FBXL13: variants seen among roughly 807,000 people sequenced by gnomAD.
FBXL13 encodes F-box and leucine-rich repeat protein 13.
Under a neutral mutation model 83.6 loss-of-function variants are expected in FBXL13, and 67 were observed. That is an observed-to-expected ratio of 0.80 (90% CI 0.66 to 0.98). The LOEUF (loss-of-function observed/expected upper bound fraction) is 0.98. FBXL13 is among the 50% of genes least tolerant of loss of function. The pLI, the probability that FBXL13 is intolerant of heterozygous loss-of-function variation, is 0.00. For missense variants in FBXL13, 822 were observed against 866.5 expected, an observed-to-expected ratio of 0.95 and a Z score of 0.64; for synonymous variants, 272 against 299.5, an observed-to-expected ratio of 0.91 and a Z score of 0.95.
At chr7:102,910,431 A>G (rs2129468402) in intron 11 of FBXL13, among the ~76,000 whole-genome samples, 1 of 149,722 alleles carries the variant, frequency 6.7e-6, no homozygotes, top group South Asian at 2.1e-4. Flanking sequence ...CTTTATTCAC[A>G]TGGAGTGCTG....
intron 8 of FBXL13, among the ~76,000 whole-genome samples, chr7:102,942,732 T>C (rs1195833982): frequency 1.3e-5 from 2 of 152,114 alleles, no homozygotes; most frequent in African/African-American, 4.8e-5. Flanking sequence ...TAGAAAGTTA[T>C]TTTTTTAAGG....
At chr7:102,865,396 T>C (rs1215258060) in intron 16 of FBXL13, among the ~76,000 whole-genome samples, 1 of 152,268 alleles carries the variant, frequency 6.6e-6, no homozygotes, top group African/African-American at 2.4e-5. Flanking sequence ...AATACTGTCA[T>C]GTACAATGTT....
exon 14 of FBXL13, chr7:102,883,430 T>C (rs1225028442): frequency 1.2e-6 from 2 of 1,613,214 alleles, no homozygotes; most frequent in East Asian, 4.5e-5. Flanking sequence ...AATTCTTGTC[T>C]ATAAATTTGA....
intron 8 of FBXL13, among the ~76,000 whole-genome samples, chr7:102,952,984 AAAAC>A (rs113046740): frequency 7.2e-5 from 11 of 152,184 alleles, no homozygotes; most frequent in African/African-American, 9.6e-5. Context: ...ACTCCATCTC[AAAAC>A]AAACAAACAA....
At chr7:102,854,957 C>A in intron 16 of FBXL13, 97 bp from the exon 18 acceptor site, 2 of 636,686 alleles carry the variant, frequency 3.1e-6, no homozygotes, top group Non-Finnish European at 5.0e-6. Context: ...ACATAAAAAA[C>A]CATTTATGAA....
At chr7:103,010,477 C>G (rs1791483323) in intron 6 of FBXL13, among the ~76,000 whole-genome samples, 1 of 152,038 alleles carries the variant, frequency 6.6e-6, no homozygotes. Flanking sequence ...GCAACTCCAC[C>G]CACCCTTGCC....
chr7:102,819,849 A>G (rs1326466167), intron 19 of FBXL13, among the ~76,000 whole-genome samples: 2 of 152,160 alleles, frequency 1.3e-5, no homozygotes, highest in Non-Finnish European at 2.9e-5. Context: ...GTCTACATAC[A>G]CTGTGCATTT....
intron 17 of FBXL13, among the ~76,000 whole-genome samples, chr7:102,850,020 A>G (rs1562992026): frequency 1.3e-5 from 2 of 152,000 alleles, no homozygotes; most frequent in Admixed American, 1.3e-4. Flanking sequence ...TAGAAAAAAA[A>G]AAGAAAAATT....
intron 11 of FBXL13, among the ~76,000 whole-genome samples, chr7:102,898,311 A>C (rs896132099): frequency 9.2e-5 from 14 of 152,318 alleles, no homozygotes; most frequent in African/African-American, 2.9e-4. Context: ...AGCAACGTAC[A>C]TGAATGTTCA....
intron 18 of FBXL13, 50 bp downstream of exon 19, chr7:102,832,790 C>A: frequency 6.2e-7 from 1 of 1,610,020 alleles, no homozygotes; most frequent in South Asian, 1.1e-5. Flanking sequence ...TGCCTTGTCC[C>A]TTGGCAGTGC....
chr7:102,943,536 C>A (rs1354915684), intron 8 of FBXL13, among the ~76,000 whole-genome samples: 1 of 152,048 alleles, frequency 6.6e-6, no homozygotes, highest in African/African-American at 2.4e-5. Flanking sequence ...AAGGTAGTAA[C>A]GAAAGAAACA....
intron 8 of FBXL13, among the ~76,000 whole-genome samples, chr7:102,950,110 A>G (rs544234392): frequency 6.6e-6 from 1 of 152,330 alleles, no homozygotes; most frequent in South Asian, 2.1e-4. Flanking sequence ...GTCTCAAAAA[A>G]AAACAAAAAC....
chr7:102,967,114 C>T lies in FBXL13; in HGVS notation c.591+908G>A, dbSNP rs1409597579. 3.9e-5 allele frequency among the ~76,000 whole-genome samples: 6 copies of T among 151,948 alleles called. No homozygotes were observed. The South Asian group carries it at 6.2e-4, about 16-fold the overall frequency. On this transcript the variant is annotated intron_variant, in intron 7 of 19. Transcript: ENST00000313221. ...CCTCCCGAGTAGCTGGGACTACAGG[C>T]GCACGCTACCATGCCCAGCTAACTT...
At chr7:102,923,683 G>T (rs1470977017) in intron 10 of FBXL13, among the ~76,000 whole-genome samples, 2 of 151,956 alleles carry the variant, frequency 1.3e-5, no homozygotes, top group South Asian at 4.1e-4. Flanking sequence ...ACTTAGCCAG[G>T]CGTGGTGGCG....
chr7:103,002,067 T>A (rs768397950), intron 6 of FBXL13, among the ~76,000 whole-genome samples: 5 of 152,128 alleles, frequency 3.3e-5, no homozygotes, highest in African/African-American at 9.7e-5. Flanking sequence ...TTGAAACTCC[T>A]CTCCTTTCTT....
rs1159174454 is a variant in FBXL13 at position 103,061,175 on chromosome 7, GT to G, written c.-104-5429del. 9.2e-4 allele frequency among the ~76,000 whole-genome samples: 133 copies of G among 144,596 alleles called. 1 individual carries two copies. Among genetic ancestry groups the G allele is most frequent in the South Asian group, 7.3e-3 (33 of 4,510 alleles). 94.9% of individuals were successfully genotyped at this position (144,596 alleles called of 152,430 possible). A position where few individuals can be genotyped will look rare whatever the true frequency, so the allele number is the denominator to read the frequency against. On this transcript the variant is annotated intron_variant, in intron 1 of 19. Coordinates refer to ENST00000313221, the Ensembl canonical transcript of FBXL13. The stretch of plus-strand genomic sequence containing the variant: ...TGCCCCTCAGGACCAGACTTGAAGG[GT>G]TTTTTTTTTTTGTTTTTTTCTTTTT...
At chr7:103,015,523 C>T (rs956089830) in intron 6 of FBXL13, among the ~76,000 whole-genome samples, 1 of 152,160 alleles carries the variant, frequency 6.6e-6, no homozygotes, top group Non-Finnish European at 1.5e-5. Flanking sequence ...ACTAGCTGTG[C>T]ACAGTGGCTC....
chr7:102,812,373 C>T (rs911039317), downstream of FBXL13, among the ~76,000 whole-genome samples: 18 of 152,144 alleles, frequency 1.2e-4, no homozygotes, highest in Non-Finnish European at 2.5e-4. Flanking sequence ...AGAATTCCTC[C>T]GTTGTGCAAA....
chr7:102,872,759 G>A (rs1808696185), intron 16 of FBXL13, among the ~76,000 whole-genome samples: 1 of 152,202 alleles, frequency 6.6e-6, no homozygotes, highest in African/African-American at 2.4e-5. Context: ...TTGAAAAGCT[G>A]TAGAAGATTA....
Sources: allele counts gnomAD v4.1 joint callset (sites outside exome capture counted in the v4.1 genomes callset), GRCh38; gene constraint gnomAD v4.1.1; transcripts MANE v1.5; gene names NCBI Gene and HGNC (gene_info 2026-07-23, HGNC 2026-07-21).